Variants in NALF1 observed in about 807,000 individuals in gnomAD.
The protein encoded by NALF1 is NALCN channel auxiliary factor 1, also known as family with sequence similarity 155 member A.
In NALF1, 3 loss-of-function variants were observed where a neutral mutation model predicts 48.4. The ratio of observed to expected loss-of-function variants is 0.06; its 90% CI spans 0.03 to 0.16. The LOEUF (loss-of-function observed/expected upper bound fraction) is 0.16. NALF1 is among the 10% of genes least tolerant of loss of function. NALF1 has a pLI of 1.00. For synonymous variants in NALF1, 262 were observed against 245.7 expected (o/e 1.07, Z -0.62); for missense variants, 526 against 571.5 (o/e 0.92, Z 0.81).
intron 1 of NALF1, among the ~76,000 whole-genome samples, chr13:107,707,814 C>T (rs908765762): frequency 1.6e-4 from 24 of 152,276 alleles, no homozygotes; most frequent in Admixed American, 1.4e-3. Flanking sequence ...CTTAAATTAG[C>T]CACACAATTA....
rs536324848 is a variant in NALF1 at position 107,836,032 on chromosome 13, C to T, written c.915+29650G>A. ...TTTGAGACAGGGTCTTGCTCTGTTG[C>T]CCACATTGGAGTGCAATGATGCGAT... On this transcript the variant is annotated intron_variant, in intron 1 of 2. Transcript: ENST00000375915. Among the ~76,000 whole-genome samples the T allele has an allele frequency of 3.9e-5, 6 of 152,218 alleles. No individual in the cohort carries two copies. In the East Asian group the frequency reaches 1.2e-3, roughly 29 times the overall value.
intron 1 of NALF1, among the ~76,000 whole-genome samples, chr13:107,796,926 C>T (rs1878442728): frequency 1.3e-5 from 2 of 152,114 alleles, no homozygotes; most frequent in African/African-American, 2.4e-5. Context: ...TACACGTGCC[C>T]AATACTTCTG....
intron 1 of NALF1, among the ~76,000 whole-genome samples, chr13:107,379,790 CAA>C (rs1043854233): frequency 1.3e-5 from 2 of 152,204 alleles, no homozygotes; most frequent in African/African-American, 4.8e-5. Flanking sequence ...AAACTTCAGA[CAA>C]ATGGCACATC....
At chr13:107,207,556 G>C (rs556617964) in intron 2 of NALF1, among the ~76,000 whole-genome samples, 1 of 152,322 alleles carries the variant, frequency 6.6e-6, no homozygotes, top group South Asian at 2.1e-4. Context: ...ACCCATTCTG[G>C]GGCCCATGTC....
chr13:107,744,197 G>C (rs1360164536), intron 1 of NALF1, among the ~76,000 whole-genome samples: 1 of 152,176 alleles, frequency 6.6e-6, no homozygotes, highest in Admixed American at 6.5e-5. Flanking sequence ...TCCAGTGTGA[G>C]ATCTTGCAAG....
rs113481567 is a variant in NALF1, at chr13:107,262,327, A to G, written c.916-51572T>C. Among the ~76,000 whole-genome samples the G allele has an allele frequency of 3.3e-3, 510 of 152,252 alleles. 4 individuals carry two copies. Among genetic ancestry groups the G allele is most frequent in the African/African-American group, 0.011 (475 of 41,550 alleles). On this transcript the variant is annotated intron_variant, in intron 1 of 2. Coordinates refer to ENST00000375915, the MANE Select transcript of NALF1 (RefSeq NM_001080396.3). ...CTACTCAGGAGGCTGAGACAGGAGG[A>G]TCACTTGAACCCAGGAGGCGGAGGT...
intron 1 of NALF1, among the ~76,000 whole-genome samples, chr13:107,325,126 T>C (rs983848393): frequency 2.6e-5 from 4 of 152,202 alleles, no homozygotes; most frequent in Non-Finnish European, 4.4e-5. Context: ...ACATATGATT[T>C]ATTTTTCACG....
At chr13:107,495,064 A>G (rs759254529) in intron 1 of NALF1, among the ~76,000 whole-genome samples, 9 of 152,224 alleles carry the variant, frequency 5.9e-5, no homozygotes, top group Non-Finnish European at 1.0e-4. Flanking sequence ...ACAAATGGAT[A>G]CATCATCATA....
intron 1 of NALF1, among the ~76,000 whole-genome samples, chr13:107,260,773 T>C (rs1486191308): frequency 6.6e-6 from 1 of 152,184 alleles, no homozygotes; most frequent in Non-Finnish European, 1.5e-5. Flanking sequence ...CTGACAGCAG[T>C]GTGTGGCTAG....
At chr13:107,654,177 G>A (rs1485048778) in intron 1 of NALF1, among the ~76,000 whole-genome samples, 1 of 151,958 alleles carries the variant, frequency 6.6e-6, no homozygotes, top group African/African-American at 2.4e-5. Context: ...ATCCAAATAA[G>A]CTAAATTAGA....
chr13:107,389,560 T>A (rs553325173), intron 1 of NALF1, among the ~76,000 whole-genome samples: 14 of 152,238 alleles, frequency 9.2e-5, no homozygotes, highest in African/African-American at 3.1e-4. Flanking sequence ...TTTGAGACAA[T>A]CATTTTCTGT....
At chr13:107,604,925 T>C (rs1344378983) in intron 1 of NALF1, among the ~76,000 whole-genome samples, 2 of 152,198 alleles carry the variant, frequency 1.3e-5, no homozygotes, top group African/African-American at 4.8e-5. Context: ...TCTGAGTGCT[T>C]ACTATGTGCC....
At chr13:107,250,856 T>C (rs1880685533) in intron 1 of NALF1, among the ~76,000 whole-genome samples, 2 of 152,086 alleles carry the variant, frequency 1.3e-5, no homozygotes, top group Admixed American at 6.5e-5. Flanking sequence ...TCGCTGGTTG[T>C]TTGAAAATGT....
chr13:107,678,711 G>A (rs912142098), intron 1 of NALF1, among the ~76,000 whole-genome samples: 46 of 152,186 alleles, frequency 3.0e-4, no homozygotes, highest in African/African-American at 1.0e-3. Context: ...GGGAAACAAG[G>A]CAACGTCTTC....
chr13:107,248,912 T>A (rs561619758), intron 1 of NALF1, among the ~76,000 whole-genome samples: 1 of 151,720 alleles, frequency 6.6e-6, no homozygotes, highest in Admixed American at 6.6e-5. Context: ...TCAAAAAAAA[T>A]TTCTGGAGAG....
rs150592254 is a variant in NALF1 at position 107,524,525 on chromosome 13, G to C, written c.916-313770C>G. Among the ~76,000 whole-genome samples, 1,085 of 152,218 alleles carry C rather than the reference G, an allele frequency of 7.1e-3. 12 individuals carry two copies. The highest frequency in any genetic ancestry group is 0.025 in the African/African-American group (1,030 of 41,556). ...AAGTTAGAGCAGGATGATCAACCAAGCAGCAGGAAGAGGATAAGGGGAAGT... is the reference window on the plus strand; with the variant it reads ...AAGTTAGAGCAGGATGATCAACCAACCAGCAGGAAGAGGATAAGGGGAAGT... On this transcript the variant is annotated intron_variant, in intron 1 of 2. Transcript: ENST00000375915.
intron 1 of NALF1, among the ~76,000 whole-genome samples, chr13:107,758,403 T>C (rs1432337525): frequency 6.6e-6 from 1 of 152,232 alleles, no homozygotes; most frequent in Non-Finnish European, 1.5e-5. Context: ...ATTATTGTAT[T>C]ACAGATCACT....
intron 1 of NALF1, among the ~76,000 whole-genome samples, chr13:107,576,129 C>T (rs967892408): frequency 2.0e-5 from 3 of 152,130 alleles, no homozygotes; most frequent in African/African-American, 7.2e-5. Flanking sequence ...ATTATGTTCT[C>T]TGCCCTACTT....
chr13:107,570,762 G>A (rs1352745967), intron 1 of NALF1, among the ~76,000 whole-genome samples: 1 of 151,782 alleles, frequency 6.6e-6, no homozygotes, highest in African/African-American at 2.4e-5. Context: ...GAAATATTGT[G>A]TAGCTTTAAT....
Sources: gnomAD v4.1 joint callset for allele counts (sites outside exome capture counted in the v4.1 genomes callset) on GRCh38, gnomAD v4.1.1 for gene constraint, MANE v1.5 for transcripts, NCBI Gene and HGNC (gene_info 2026-07-23, HGNC 2026-07-21) for gene names.